Variants in RIMBP2 observed in about 807,000 individuals in gnomAD.
RIMBP2 encodes RIMS binding protein 2.
Under a neutral mutation model 118.6 loss-of-function variants are expected in RIMBP2, and 48 were observed. That is an observed-to-expected ratio of 0.40 (90% CI 0.32 to 0.51). The LOEUF (loss-of-function observed/expected upper bound fraction) is 0.51. Among genes scored for constraint, RIMBP2 ranks in the 20% least tolerant of loss-of-function variants. RIMBP2 has a pLI of 0.41. For synonymous variants in RIMBP2, 762 were observed against 742.9 expected, an observed-to-expected ratio of 1.03 and a Z score of -0.42; for missense variants, 1,551 against 1,768.3, an observed-to-expected ratio of 0.88 and a Z score of 2.20.
chr12:130,679,695 A>T (rs2064679781), intron 1 of RIMBP2, among the ~76,000 whole-genome samples: 1 of 152,240 alleles, frequency 6.6e-6, no homozygotes, highest in South Asian at 2.1e-4. Flanking sequence ...GTACAAAAAT[A>T]CTTCACCCTC....
Position 130,450,532 on chromosome 12 carries a change from A to G in RIMBP2, c.505-256T>C, listed in dbSNP as rs1227368141. ...GAACCCAGTCCCCAAACAGGAAGGT[A>G]AGGCTCAAAGACTCCGCCCAGTGTC... On this transcript the variant is annotated intron_variant, in intron 8 of 22. Transcript: ENST00000690449. This position sits in a 1 kb window ranked among gnomAD's most constrained non-coding sequence, Gnocchi z 4.8. Among the ~76,000 whole-genome samples, 1 of 151,936 alleles carries G rather than the reference A, an allele frequency of 6.6e-6. No individual in the cohort carries two copies. The highest frequency in any genetic ancestry group is 2.0e-4 in the East Asian group (1 of 5,116).
intron 1 of RIMBP2, among the ~76,000 whole-genome samples, chr12:130,657,082 G>A (rs2063464623): frequency 1.3e-5 from 2 of 152,136 alleles, no homozygotes; most frequent in South Asian, 4.1e-4. Context: ...TTTATTTCTA[G>A]AGATAGGGTC....
chr12:130,411,093 T>A (rs1014500537), intron 19 of RIMBP2, among the ~76,000 whole-genome samples: 3 of 152,230 alleles, frequency 2.0e-5, no homozygotes, highest in Admixed American at 6.5e-5. Flanking sequence ...GTAGTTCATG[T>A]TTTGTTGTGT....
chr12:130,548,809 T>G (rs2055430143), intron 2 of RIMBP2, among the ~76,000 whole-genome samples: 1 of 151,590 alleles, frequency 6.6e-6, no homozygotes, highest in Admixed American at 6.6e-5. Context: ...CCTGACCCCA[T>G]GGTCCCATGG....
At chr12:130,518,285 T>C (rs1205725832) in intron 2 of RIMBP2, among the ~76,000 whole-genome samples, 2 of 152,072 alleles carry the variant, frequency 1.3e-5, no homozygotes, top group African/African-American at 2.4e-5. Context: ...CAATAAACAA[T>C]AGACAGAGAA....
In RIMBP2 at chr12:130,456,730, G is replaced by A. The variant is rs112530918; in HGVS notation, c.154-30C>T. The A allele has an allele frequency of 1.3e-3, 1,959 of 1,557,834 alleles. 20 individuals carry two copies. In the African/African-American group the frequency reaches 0.024, roughly 19 times the overall value. ...ACGGCAGAAGCAGGACAGGGGGTCA[G>A]CGGTGGCATTTGGTGGTGGAAATGT... On this transcript the variant is annotated intron_variant, in intron 6 of 22. Coordinates refer to ENST00000690449, the MANE Select transcript of RIMBP2 (RefSeq NM_001393629.1).
At chr12:130,580,290 G>T (rs1190392496) in intron 2 of RIMBP2, among the ~76,000 whole-genome samples, 1 of 152,178 alleles carries the variant, frequency 6.6e-6, no homozygotes, top group Non-Finnish European at 1.5e-5. Flanking sequence ...CACATGTCAA[G>T]GGCGGGGCCA....
At chr12:130,615,276 C>CATATATGT (rs1555309136) in intron 2 of RIMBP2, among the ~76,000 whole-genome samples, 1 of 100,266 alleles carries the variant, frequency 1.0e-5, no homozygotes, top group African/African-American at 3.9e-5. Context: ...AATACACATA[C>CATATATGT]ATATATATAT....
At chr12:130,517,474 C>T (rs11609878) in intron 3 of RIMBP2, among the ~76,000 whole-genome samples, 7,848 of 152,154 alleles carry the variant, frequency 0.052, 272 homozygotes, top group South Asian at 0.16. Flanking sequence ...GAAAGAGCAG[C>T]GCCCAGGAGG....
intron 1 of RIMBP2, among the ~76,000 whole-genome samples, chr12:130,651,869 GA>G (rs1305857589): frequency 2.0e-5 from 3 of 150,224 alleles, no homozygotes; most frequent in African/African-American, 7.3e-5. Flanking sequence ...ATAGCTTTTG[GA>G]AAGCTTTTTG....
intron 10 of RIMBP2, among the ~76,000 whole-genome samples, chr12:130,444,276 G>A (rs1593320537): frequency 1.3e-5 from 2 of 152,144 alleles, no homozygotes; most frequent in South Asian, 4.1e-4. Flanking sequence ...AGTGGTGAGC[G>A]AGTGGTGAGT....
intron 1 of RIMBP2, among the ~76,000 whole-genome samples, chr12:130,655,675 A>C (rs1055269967): frequency 5.3e-5 from 8 of 152,236 alleles, no homozygotes; most frequent in Admixed American, 6.5e-5. Flanking sequence ...TCAAACATTC[A>C]CACACAGGCA....
intron 2 of RIMBP2, among the ~76,000 whole-genome samples, chr12:130,530,410 CT>C (rs1264734617): frequency 1.3e-5 from 2 of 152,140 alleles, no homozygotes; most frequent in Admixed American, 6.5e-5. Flanking sequence ...CTATTTTCCC[CT>C]AACTCCCAAA....
At chr12:130,679,190 G>A (rs1163221377) in intron 1 of RIMBP2, among the ~76,000 whole-genome samples, 2 of 152,090 alleles carry the variant, frequency 1.3e-5, no homozygotes, top group Non-Finnish European at 2.9e-5. Context: ...TAATGCAAAC[G>A]AATGAACACC....
chr12:130,648,658 CTTT>C (rs575247641), intron 1 of RIMBP2, among the ~76,000 whole-genome samples: 2 of 132,528 alleles, frequency 1.5e-5, no homozygotes, highest in African/African-American at 2.7e-5. Flanking sequence ...AAATTAGTAT[CTTT>C]TTTTTTTTTT....
At chr12:130,690,563 A>G (rs1451345486) in intron 1 of RIMBP2, among the ~76,000 whole-genome samples, 1 of 152,180 alleles carries the variant, frequency 6.6e-6, no homozygotes, top group Non-Finnish European at 1.5e-5. Flanking sequence ...ACTCTGGCCC[A>G]TGCATCCCCT....
In RIMBP2 at chr12:130,531,976, GCC is replaced by G. The variant is rs1566207844; in HGVS notation, c.-216-14061_-216-14060del. 8.0e-5 allele frequency among the ~76,000 whole-genome samples: 9 copies of G among 111,886 alleles called. 1 individual carries two copies. The highest frequency in any genetic ancestry group is 9.1e-3 in the Middle Eastern group (2 of 220). 73.4% of individuals were successfully genotyped at this position (111,886 alleles called of 152,430 possible). A position where few individuals can be genotyped will look rare whatever the true frequency, so the allele number is the denominator to read the frequency against. ...ACGTCTAATGAGATGCGTATGTTTA[GCC>G]TCTAGGAGGTACGTCTAATGAGATG... On this transcript the variant is annotated intron_variant, in intron 2 of 22. Transcript: ENST00000690449.
At chr12:130,436,639 A>T (rs572390925) in intron 13 of RIMBP2, among the ~76,000 whole-genome samples, 17 of 152,212 alleles carry the variant, frequency 1.1e-4, no homozygotes, top group Non-Finnish European at 2.4e-4. Flanking sequence ...ATGTGGCTAC[A>T]TATTAGCAAA....
chr12:130,611,937 G>C (rs1171687218), intron 2 of RIMBP2, among the ~76,000 whole-genome samples: 1 of 152,194 alleles, frequency 6.6e-6, no homozygotes, highest in Non-Finnish European at 1.5e-5. Context: ...AAACCAATTG[G>C]CTGCAGGATT....
Sources: allele counts gnomAD v4.1 joint callset (sites outside exome capture counted in the v4.1 genomes callset), GRCh38; gene constraint gnomAD v4.1.1; non-coding constraint Gnocchi (gnomAD v3.1); transcripts MANE v1.5; gene names NCBI Gene and HGNC (gene_info 2026-07-23, HGNC 2026-07-21).